The following ABL2 variants were observed in gnomAD, a reference collection of about 807,000 sequenced individuals.
The protein encoded by ABL2 is tyrosine-protein kinase ABL2.
ABL2 carries 49 observed loss-of-function variants against 107.7 expected under a neutral mutation model. The observed-to-expected ratio is 0.45, with a 90% CI of 0.36 to 0.58. The LOEUF (loss-of-function observed/expected upper bound fraction) is 0.58, where lower values mean the gene tolerates loss of function less well. ABL2 is among the 20% of genes least tolerant of loss of function. The pLI, the probability that ABL2 is intolerant of heterozygous loss-of-function variation, is 0.00. For synonymous variants in ABL2, 549 were observed against 548.6 expected, an observed-to-expected ratio of 1.00 and a Z score of -0.01; for missense variants, 1,245 against 1,457.0, an observed-to-expected ratio of 0.85 and a Z score of 2.37.
intron 1 of ABL2, among the ~76,000 whole-genome samples, chr1:179,196,772 CAAACAAAAAA>C (rs1312697030): frequency 7.6e-6 from 1 of 132,056 alleles, no homozygotes; most frequent in Non-Finnish European, 1.6e-5. Flanking sequence ...AAAAAACAAA[CAAACAAAAAA>C]AAACAAAAAA....
chr1:179,214,519 C>CAT (rs59744061), intron 1 of ABL2, among the ~76,000 whole-genome samples: 9,705 of 121,784 alleles, frequency 0.08, 394 homozygotes, highest in Middle Eastern at 0.11. Flanking sequence ...TTTAAAATGA[C>CAT]ATATATATAT....
At chr1:179,192,639 C>A (rs765414289) in intron 1 of ABL2, among the ~76,000 whole-genome samples, 37 of 152,110 alleles carry the variant, frequency 2.4e-4, no homozygotes, top group Admixed American at 1.0e-3. Flanking sequence ...ATTGACTTAA[C>A]CTTTAATTAC....
At chr1:179,226,370 G>A (rs1052368353) in intron 1 of ABL2, among the ~76,000 whole-genome samples, 3 of 145,396 alleles carry the variant, frequency 2.1e-5, no homozygotes, top group South Asian at 2.2e-4. Context: ...CTGGAGTGGC[G>A]CGATCTTGGC....
Position 179,103,554 on chromosome 1 carries a change from T to C in ABL2, c.*4164A>G, listed in dbSNP as rs942843673. The C allele has an allele frequency of 2.8e-5, 6 of 215,890 alleles. No individual in the cohort carries two copies. Among genetic ancestry groups the C allele is most frequent in the Non-Finnish European group, 5.6e-5 (6 of 107,270 alleles). The allele number at this position is 215,890 out of a possible 1,614,324, so 13.4% of individuals were successfully genotyped here. A position where few individuals can be genotyped will look rare whatever the true frequency, so the allele number is the denominator to read the frequency against. The stretch of plus-strand genomic sequence containing the variant: ...GTATTTCTTTACTACAAAGTGCACA[T>C]TGCTGTGTTGCTGAGGTCTGTCCAA... On this transcript the variant is annotated 3_prime_UTR_variant, in exon 12 of 12. Transcript: ENST00000502732.
rs770158560 is a variant in ABL2, at chr1:179,121,575, T to C, written c.960+20A>G. 4 of 1,604,732 alleles carry C rather than the reference T, an allele frequency of 2.5e-6. No homozygotes were observed. The highest frequency in any genetic ancestry group is 1.7e-6 in the Non-Finnish European group (2 of 1,173,474). On this transcript the variant is annotated intron_variant, in intron 5 of 11. Coordinates refer to ENST00000502732, the MANE Select transcript of ABL2 (RefSeq NM_007314.4). ...ACAAAAGAAAAAGATGCCTGAAAAC[T>C]GTAATTCTCAGCAACCCACCTTCAA... is the stretch of plus-strand genomic sequence containing the variant.
chr1:179,130,005 T>A (rs2102658611), intron 3 of ABL2, among the ~76,000 whole-genome samples: 1 of 152,328 alleles, frequency 6.6e-6, no homozygotes, highest in East Asian at 1.9e-4. Context: ...AGTGGCACCA[T>A]CTCAGCTCAA....
intron 1 of ABL2, among the ~76,000 whole-genome samples, chr1:179,172,058 C>T (rs1018567721): frequency 1.3e-5 from 2 of 152,166 alleles, no homozygotes; most frequent in Non-Finnish European, 2.9e-5. Context: ...AGTCACAGAG[C>T]TAGAGCCCAA....
intron 1 of ABL2, among the ~76,000 whole-genome samples, chr1:179,188,316 T>C (rs939095845): frequency 4.0e-5 from 6 of 151,710 alleles, no homozygotes; most frequent in South Asian, 2.1e-4. Flanking sequence ...CCAAGCTAGG[T>C]AGATCACCTA....
intron 1 of ABL2, chr1:179,143,030 T>C (rs767862812): frequency 1.2e-6 from 2 of 1,614,210 alleles, no homozygotes; most frequent in South Asian, 1.1e-5. Flanking sequence ...GAAGGAGAAC[T>C]GTCCCAAGGA....
chr1:179,176,702 C>CTTTTTTTTTTTTTTTTTTTTTT (rs35138436), intron 1 of ABL2, among the ~76,000 whole-genome samples: 1 of 107,302 alleles, frequency 9.3e-6, no homozygotes. Context: ...GTTACATATT[C>CTTTTTTTTTTTTTTTTTTTTTT]TTTTTTTTTT....
chr1:179,171,102 A>G (rs186980072), intron 1 of ABL2, among the ~76,000 whole-genome samples: 2 of 152,366 alleles, frequency 1.3e-5, no homozygotes, highest in East Asian at 3.9e-4. Context: ...TAGCATAATT[A>G]ATAAAAACAG....
chr1:179,179,824 G>A (rs922936997), intron 1 of ABL2, among the ~76,000 whole-genome samples: 4 of 151,956 alleles, frequency 2.6e-5, no homozygotes, highest in African/African-American at 9.7e-5. Flanking sequence ...GTCTTGGCTG[G>A]GCATAGTGGC....
intron 3 of ABL2, among the ~76,000 whole-genome samples, chr1:179,128,304 A>G (rs535698752): frequency 6.6e-6 from 1 of 152,112 alleles, no homozygotes; most frequent in Non-Finnish European, 1.5e-5. Flanking sequence ...GTGGATATGC[A>G]TAAGTGCACA....
chr1:179,221,172 C>T, intron 1 of ABL2: 2 of 236,646 alleles, frequency 8.5e-6, no homozygotes, highest in Non-Finnish European at 1.8e-5. Context: ...GAGGTTCTCA[C>T]ATTTTTCTTA....
At chr1:179,174,895 C>CAAAAAAAAAAA (rs1161355678) in intron 1 of ABL2, among the ~76,000 whole-genome samples, 2 of 33,690 alleles carry the variant, frequency 5.9e-5, no homozygotes, top group African/African-American at 1.9e-4. Context: ...GACTCTGTCT[C>CAAAAAAAAAAA]AAAAAAAAAA....
chr1:179,121,903 AAG>A (rs764643765), intron 4 of ABL2, 36 bp from the exon 5 acceptor site: 5 of 1,354,042 alleles, frequency 3.7e-6, no homozygotes, highest in Non-Finnish European at 4.0e-6. Flanking sequence ...ACAACTTGAA[AAG>A]AGATTAAGAA....
chr1:179,141,746 T>C (rs1657612848), intron 1 of ABL2, among the ~76,000 whole-genome samples: 1 of 152,188 alleles, frequency 6.6e-6, no homozygotes, highest in African/African-American at 2.4e-5. Flanking sequence ...TTAGGGTCAA[T>C]TTCCTGCACA....
intron 1 of ABL2, among the ~76,000 whole-genome samples, chr1:179,223,109 CAA>C (rs35137729): frequency 3.9e-4 from 27 of 69,242 alleles, no homozygotes; most frequent in East Asian, 1.2e-3. Flanking sequence ...GGCTCCCTCT[CAA>C]AAAAAAAAAA....
Position 179,107,586 on chromosome 1 carries a change from G to C in ABL2, c.*132C>G. The stretch of plus-strand genomic sequence containing the variant: ...TGAAACTGTAAACGTGAGAACTCAG[G>C]GATCTGAGGTACTTCACATAAACAC... On this transcript the variant is annotated 3_prime_UTR_variant, in exon 12 of 12. Transcript: ENST00000502732. 6.9e-7 allele frequency: 1 copy of C among 1,457,506 alleles called. No individual in the cohort carries two copies. Among genetic ancestry groups the C allele is most frequent in the Non-Finnish European group, 9.1e-7 (1 of 1,099,744 alleles). The allele number at this position is 1,457,506 out of a possible 1,614,324, so 90.3% of individuals were successfully genotyped here. A position where few individuals can be genotyped will look rare whatever the true frequency, so the allele number is the denominator to read the frequency against.
Sources: allele counts gnomAD v4.1 joint callset (sites outside exome capture counted in the v4.1 genomes callset), GRCh38; gene constraint gnomAD v4.1.1; transcripts MANE v1.5; gene names NCBI Gene and HGNC (gene_info 2026-07-23, HGNC 2026-07-21).